Variants in BCAS3 observed in about 807,000 individuals in gnomAD.
The protein encoded by BCAS3 is BCAS4/BCAS3 fusion.
Under a neutral mutation model 116.1 loss-of-function variants are expected in BCAS3, and 53 were observed. The ratio of observed to expected loss-of-function variants is 0.46; its 90% confidence interval spans 0.37 to 0.57. The LOEUF (loss-of-function observed/expected upper bound fraction) is 0.57. Ranked by LOEUF, BCAS3 falls within the 20% of genes least tolerant of loss-of-function variation. BCAS3 has a pLI of 0.00. For missense variants in BCAS3, 917 were observed against 1,165.4 expected, an observed-to-expected ratio of 0.79 and a Z score of 3.10; for synonymous variants, 391 against 408.2, an observed-to-expected ratio of 0.96 and a Z score of 0.51.
intron 5 of BCAS3, among the ~76,000 whole-genome samples, chr17:60,744,490 C>A (rs2041867210): frequency 6.6e-6 from 1 of 152,120 alleles, no homozygotes; most frequent in Non-Finnish European, 1.5e-5. Context: ...TCTGTATAAA[C>A]CTTAACTCTG....
intron 22 of BCAS3, among the ~76,000 whole-genome samples, chr17:61,268,592 TTG>T (rs997951135): frequency 5.3e-5 from 8 of 152,086 alleles, no homozygotes; most frequent in African/African-American, 1.9e-4. Flanking sequence ...TTTGTTTTTT[TTG>T]TTTTTTGAGA....
chr17:61,272,956 C>G (rs2050436853), intron 22 of BCAS3, among the ~76,000 whole-genome samples: 1 of 152,124 alleles, frequency 6.6e-6, no homozygotes, highest in Admixed American at 6.6e-5. Flanking sequence ...TGTGTTCTTT[C>G]TTGGCTTACT....
intron 5 of BCAS3, among the ~76,000 whole-genome samples, chr17:60,714,493 G>A (rs199873755): frequency 7.2e-4 from 110 of 152,116 alleles, no homozygotes; most frequent in East Asian, 2.7e-3. Context: ...GTGAAACTCC[G>A]TCTCTACTAA....
At chr17:60,988,338 C>CTTTTTTTT (rs71148317) in intron 14 of BCAS3, among the ~76,000 whole-genome samples, 81 of 66,754 alleles carry the variant, frequency 1.2e-3, no homozygotes, top group Non-Finnish European at 1.8e-3. Context: ...TTTTCTTTTT[C>CTTTTTTTT]TTTTTTTTTT....
intron 13 of BCAS3, among the ~76,000 whole-genome samples, chr17:60,928,440 A>C (rs1010165471): frequency 2.0e-5 from 3 of 152,180 alleles, no homozygotes; most frequent in Non-Finnish European, 1.5e-5. Context: ...TTGTGCACAG[A>C]TATGTTTTTC....
chr17:61,335,056 G>A (rs1157360759), intron 22 of BCAS3, among the ~76,000 whole-genome samples: 2 of 152,228 alleles, frequency 1.3e-5, no homozygotes, highest in African/African-American at 4.8e-5. Context: ...AGAACAGACC[G>A]GAGTTCTTCC....
intron 22 of BCAS3, among the ~76,000 whole-genome samples, chr17:61,195,282 AG>A (rs1409663974): frequency 1.3e-5 from 2 of 152,278 alleles, no homozygotes; most frequent in African/African-American, 4.8e-5. Context: ...TTGGTTGTCC[AG>A]GATAAATCAT....
chr17:61,109,637 T>G (rs1248571021), intron 22 of BCAS3, among the ~76,000 whole-genome samples: 1 of 152,238 alleles, frequency 6.6e-6, no homozygotes, highest in African/African-American at 2.4e-5. Flanking sequence ...ATTATGGCCA[T>G]TCTTGCAGGA....
At chr17:61,043,503 C>T (rs1356093205) in intron 19 of BCAS3, among the ~76,000 whole-genome samples, 2 of 151,946 alleles carry the variant, frequency 1.3e-5, no homozygotes, top group Non-Finnish European at 2.9e-5. Flanking sequence ...AAAAAATAAT[C>T]GCTCCCTGCC....
intron 22 of BCAS3, among the ~76,000 whole-genome samples, chr17:61,191,642 A>G (rs938492098): frequency 1.3e-5 from 2 of 151,880 alleles, no homozygotes; most frequent in African/African-American, 4.8e-5. Flanking sequence ...AGGTGTGGTG[A>G]CGGGCGCCTA....
chr17:61,191,515 C>T (rs1242866506), intron 22 of BCAS3, among the ~76,000 whole-genome samples: 1 of 152,140 alleles, frequency 6.6e-6, no homozygotes, highest in African/African-American at 2.4e-5. Context: ...GTGGCTCACG[C>T]CTGTAATCCC....
Position 61,380,586 on chromosome 17 carries a change from A to C in BCAS3, c.2594-11391A>C, listed in dbSNP as rs767068396. 2 of 1,595,512 alleles carry C rather than the reference A, an allele frequency of 1.3e-6. No individual in the cohort carries two copies. The highest frequency in any genetic ancestry group is 1.7e-6 in the Non-Finnish European group (2 of 1,177,346). ...GAAGTGTTTTGGTATGTAACGTCCT[A>C]TCTTTGCCTATGTGGAAGGGGTTGT... On this transcript the variant is annotated intron_variant, in intron 23 of 23. Transcript: ENST00000407086. This position sits in a 1 kb window ranked among gnomAD's most constrained non-coding sequence, Gnocchi z 4.2.
At chr17:61,133,858 T>TAAA (rs1330065889) in intron 22 of BCAS3, among the ~76,000 whole-genome samples, 2 of 4,468 alleles carry the variant, frequency 4.5e-4, no homozygotes, top group East Asian at 5.0e-3. Flanking sequence ...GCCTGGAATC[T>TAAA]CAAAAAAAAA....
intron 15 of BCAS3, among the ~76,000 whole-genome samples, chr17:60,991,527 G>C (rs1389313033): frequency 6.6e-6 from 1 of 152,174 alleles, no homozygotes; most frequent in Non-Finnish European, 1.5e-5. Context: ...CTTTTCTGGA[G>C]CATTGCAGAT....
chr17:61,232,034 G>A (rs1192087788), intron 22 of BCAS3, among the ~76,000 whole-genome samples: 2 of 150,544 alleles, frequency 1.3e-5, no homozygotes, highest in African/African-American at 2.5e-5. Context: ...GTGAAACCCC[G>A]TCTGTACTAA....
intron 22 of BCAS3, among the ~76,000 whole-genome samples, chr17:61,177,175 A>G (rs551279204): frequency 1.3e-5 from 2 of 152,358 alleles, no homozygotes; most frequent in East Asian, 3.9e-4. Flanking sequence ...TGCACTTATC[A>G]TATGATCTAG....
At chr17:61,255,818 C>T (rs1336353735) in intron 22 of BCAS3, among the ~76,000 whole-genome samples, 1 of 152,118 alleles carries the variant, frequency 6.6e-6, no homozygotes, top group Non-Finnish European at 1.5e-5. Flanking sequence ...GTGGTAAAGT[C>T]CTGGCAGTTT....
chr17:60,748,430 C>T (rs549965445), intron 6 of BCAS3, among the ~76,000 whole-genome samples: 286 of 152,324 alleles, frequency 1.9e-3, no homozygotes, highest in Non-Finnish European at 3.2e-3. Context: ...CTCGCTCTCT[C>T]ATGCTCTGTC....
In BCAS3 at chr17:61,022,036, A is replaced by G. The variant is rs570205735; in HGVS notation, c.1637+6135A>G. ...AGTACCAGTTCTTCATAGCTAAGCA[A>G]TGGATGTTTGGTTCTAGATATTAAA... On this transcript the variant is annotated intron_variant, in intron 16 of 23. Transcript: ENST00000407086. Among the ~76,000 whole-genome samples the G allele has an allele frequency of 4.6e-5, 7 of 152,292 alleles. No homozygotes were observed. In the South Asian group the frequency reaches 1.5e-3, roughly 32 times the overall value.
Sources: allele counts gnomAD v4.1 joint callset (sites outside exome capture counted in the v4.1 genomes callset), GRCh38; gene constraint gnomAD v4.1.1; non-coding constraint Gnocchi (gnomAD v3.1); transcripts MANE v1.5; gene names NCBI Gene and HGNC (gene_info 2026-07-23, HGNC 2026-07-21).